STARD3NL: variants seen among roughly 807,000 people sequenced by gnomAD.
STARD3NL encodes the protein STARD3 N-terminal-like protein.
STARD3NL carries 17 observed loss-of-function variants against 30.9 expected under a neutral mutation model. The observed-to-expected ratio is 0.55, with a 90% CI of 0.38 to 0.82. STARD3NL has a LOEUF of 0.82. STARD3NL is among the 40% of genes least tolerant of loss of function. The probability of loss-of-function intolerance (pLI) is 0.00; values close to 1 mark genes in which losing one functional copy is unlikely to be tolerated. For synonymous variants in STARD3NL, 112 were observed against 100.5 expected, an observed-to-expected ratio of 1.11 and a Z score of -0.69; for missense variants, 234 against 277.6, an observed-to-expected ratio of 0.84 and a Z score of 1.12.
chr7:38,211,101 C>A lies in STARD3NL; in HGVS notation c.226-3256C>A, dbSNP rs919392190. ...TATTAATAACTAAAATAAATTTAAC[C>A]CAGAAAGAAGAAAAAAATGCAGGTT... On this transcript the variant is annotated intron_variant, in intron 2 of 8. Coordinates refer to ENST00000009041, the MANE Select transcript of STARD3NL (RefSeq NM_032016.4). Among the ~76,000 whole-genome samples the A allele has an allele frequency of 4.7e-4, 71 of 152,070 alleles. 1 individual carries two copies. Among genetic ancestry groups the A allele is most frequent in the Non-Finnish European group, 1.5e-5 (1 of 68,018 alleles).
At chr7:38,195,435 T>G (rs1454237104) in intron 1 of STARD3NL, among the ~76,000 whole-genome samples, 1 of 152,206 alleles carries the variant, frequency 6.6e-6, no homozygotes, top group Non-Finnish European at 1.5e-5. Context: ...TTGCAGAGCT[T>G]AATTATGCAC....
intron 1 of STARD3NL, among the ~76,000 whole-genome samples, chr7:38,188,733 T>C (rs1024028614): frequency 6.6e-5 from 10 of 152,366 alleles, no homozygotes; most frequent in African/African-American, 2.4e-4. Context: ...TATGAAAACA[T>C]TGATATGCAT....
chr7:38,182,226 T>C (rs1331685016), intron 1 of STARD3NL, among the ~76,000 whole-genome samples: 2 of 152,212 alleles, frequency 1.3e-5, no homozygotes, highest in African/African-American at 4.8e-5. Flanking sequence ...AGAGACACAC[T>C]GTTAGGCTTT....
Position 38,207,734 on chromosome 7 carries a change from G to C in STARD3NL, c.225+5G>C. 1 of 1,612,224 alleles carries C rather than the reference G, an allele frequency of 6.2e-7. No individual in the cohort carries two copies. Among genetic ancestry groups the C allele is most frequent in the Non-Finnish European group, 8.5e-7 (1 of 1,178,656 alleles). On this transcript the variant is annotated splice_donor_5th_base_variant and intron_variant, in intron 2 of 8. Transcript: ENST00000009041. ...CTGTGGATAATAGAGTTAAATGTAAGTTGGTGGTTCTTTCATAACTTTTTA... is the reference window on the plus strand; with the variant it reads ...CTGTGGATAATAGAGTTAAATGTAACTTGGTGGTTCTTTCATAACTTTTTA...
At chr7:38,193,758 A>T (rs1290541530) in intron 1 of STARD3NL, among the ~76,000 whole-genome samples, 2 of 152,186 alleles carry the variant, frequency 1.3e-5, no homozygotes, top group Non-Finnish European at 2.9e-5. Flanking sequence ...CAGTGTGAGG[A>T]AGCTCTATTC....
At position 38,222,005 on chromosome 7, in the gene STARD3NL, AC is replaced by A. The variant is rs1453833405; in HGVS notation, c.649+2347del. Among the ~76,000 whole-genome samples the A allele has an allele frequency of 4.6e-5, 7 of 152,078 alleles. No individual in the cohort carries two copies. The East Asian group carries it at 1.2e-3, about 25-fold the overall frequency. The stretch of plus-strand genomic sequence containing the variant: ...GAACATCCTTAGCATGTTCTTTGGA[AC>A]CTCTTCCACAGCCCTGTCATCCTGT... On this transcript the variant is annotated intron_variant, in intron 7 of 8. Coordinates refer to ENST00000009041, the MANE Select transcript of STARD3NL (RefSeq NM_032016.4).
In STARD3NL at chr7:38,229,963, G is replaced by A. The variant is rs915003810; in HGVS notation, c.*58G>A. On this transcript the variant is annotated 3_prime_UTR_variant, in exon 9 of 9. Coordinates refer to ENST00000009041, the MANE Select transcript of STARD3NL (RefSeq NM_032016.4). ...CAGAAAGTCATCGAGGCAAAAAGAG[G>A]CAGGCAGTGGAGTCTCCCTGTCGAC... 1 of 152,574 alleles carries A rather than the reference G, an allele frequency of 6.6e-6. No homozygotes were observed. Among genetic ancestry groups the A allele is most frequent in the African/African-American group, 2.4e-5 (1 of 41,452 alleles). 9.5% of individuals were successfully genotyped at this position (152,574 alleles called of 1,614,324 possible).
intron 2 of STARD3NL, among the ~76,000 whole-genome samples, chr7:38,213,263 G>A (rs12531618): frequency 0.43 from 64,961 of 151,858 alleles, 14,201 homozygotes; most frequent in East Asian, 0.5. Flanking sequence ...CTTCCTCCCA[G>A]GTTTTCAATT....
chr7:38,186,520 C>T (rs117587728), intron 1 of STARD3NL, among the ~76,000 whole-genome samples: 1 of 152,298 alleles, frequency 6.6e-6, no homozygotes, highest in East Asian at 1.9e-4. Flanking sequence ...GGAGAAAATA[C>T]AGCCATGTGC....
intron 1 of STARD3NL, among the ~76,000 whole-genome samples, chr7:38,189,936 G>A (rs1784613215): frequency 6.6e-6 from 1 of 152,166 alleles, no homozygotes; most frequent in South Asian, 2.1e-4. Flanking sequence ...AGAGGTTTTT[G>A]AGGATGTTTG....
intron 1 of STARD3NL, among the ~76,000 whole-genome samples, chr7:38,190,124 T>C (rs897834596): frequency 1.3e-5 from 2 of 152,132 alleles, no homozygotes; most frequent in African/African-American, 4.8e-5. Flanking sequence ...CAAACCCCTA[T>C]GAATATTTTG....
intron 1 of STARD3NL, among the ~76,000 whole-genome samples, chr7:38,181,999 C>T (rs1221433493): frequency 6.6e-6 from 1 of 152,202 alleles, no homozygotes; most frequent in Non-Finnish European, 1.5e-5. Flanking sequence ...GTCTCTATAA[C>T]AGAAGCCTTC....
intron 1 of STARD3NL, among the ~76,000 whole-genome samples, chr7:38,202,902 C>G (rs1441171485): frequency 3.3e-5 from 5 of 151,906 alleles, no homozygotes; most frequent in Non-Finnish European, 7.4e-5. Flanking sequence ...AGGACATGAA[C>G]TCATCATTTT....
At chr7:38,181,950 T>C (rs781522058) in intron 1 of STARD3NL, among the ~76,000 whole-genome samples, 3 of 152,166 alleles carry the variant, frequency 2.0e-5, no homozygotes, top group Non-Finnish European at 2.9e-5. Flanking sequence ...TCCCTCTAAG[T>C]CCACTCAAAT....
chr7:38,184,889 TTTG>T (rs1784399356), intron 1 of STARD3NL, among the ~76,000 whole-genome samples: 1 of 150,430 alleles, frequency 6.6e-6, no homozygotes, highest in Non-Finnish European at 1.5e-5. Flanking sequence ...TATTGCTTGT[TTTG>T]TTGCATTATT....
intron 1 of STARD3NL, among the ~76,000 whole-genome samples, chr7:38,189,990 G>A (rs1784615179): frequency 6.6e-6 from 1 of 152,106 alleles, no homozygotes; most frequent in Non-Finnish European, 1.5e-5. Context: ...GAGCAAAGTT[G>A]GTCTCATGAT....
chr7:38,215,166 C>G, intron 4 of STARD3NL, 61 bp downstream of exon 4: 1 of 1,495,182 alleles, frequency 6.7e-7, no homozygotes, highest in Non-Finnish European at 9.3e-7. Flanking sequence ...GTCCTGCTCT[C>G]AACAGGCCTG....
intron 8 of STARD3NL, among the ~76,000 whole-genome samples, 183 bp downstream of exon 8, chr7:38,229,054 C>T (rs1281105493): frequency 6.6e-6 from 1 of 152,166 alleles, no homozygotes; most frequent in Admixed American, 6.5e-5. Flanking sequence ...TACAGGTATA[C>T]ATTTATAAGG....
intron 2 of STARD3NL, among the ~76,000 whole-genome samples, chr7:38,212,824 A>G (rs1785886306): frequency 6.6e-6 from 1 of 152,196 alleles, no homozygotes; most frequent in Admixed American, 6.5e-5. Flanking sequence ...GTTTCCAGTG[A>G]TGAACTCTAG....
Sources: allele counts gnomAD v4.1 joint callset (sites outside exome capture counted in the v4.1 genomes callset), GRCh38; gene constraint gnomAD v4.1.1; transcripts MANE v1.5; gene names NCBI Gene and HGNC (gene_info 2026-07-23, HGNC 2026-07-21).